THSD7B: variants seen among roughly 807,000 people sequenced by gnomAD.
The protein encoded by THSD7B is thrombospondin type 1 domain containing 7B.
THSD7B carries 138 observed loss-of-function variants against 213.6 expected under a neutral mutation model. That is an observed-to-expected ratio of 0.65 (90% CI 0.56 to 0.74). THSD7B has a LOEUF of 0.74. THSD7B is among the 30% of genes least tolerant of loss of function. The probability of loss-of-function intolerance (pLI) is 0.00; values close to 1 mark genes in which losing one functional copy is unlikely to be tolerated. For missense variants in THSD7B, 1,931 were observed against 1,991.5 expected, an observed-to-expected ratio of 0.97 and a Z score of 0.58; for synonymous variants, 742 against 687.0, an observed-to-expected ratio of 1.08 and a Z score of -1.25.
intron 10 of THSD7B, among the ~76,000 whole-genome samples, chr2:137,252,160 G>A (rs1191518649): frequency 1.3e-5 from 2 of 150,000 alleles, no homozygotes; most frequent in African/African-American, 4.9e-5. Context: ...CCAGCTACTC[G>A]TGAGGCTGAG....
chr2:136,883,972 T>G (rs891449301), intron 2 of THSD7B, among the ~76,000 whole-genome samples: 1 of 152,226 alleles, frequency 6.6e-6, no homozygotes, highest in Non-Finnish European at 1.5e-5. Flanking sequence ...AGATTACTTA[T>G]GTATGACTGA....
At chr2:137,309,058 G>A (rs368480056) in intron 12 of THSD7B, among the ~76,000 whole-genome samples, 10 of 152,028 alleles carry the variant, frequency 6.6e-5, no homozygotes, top group South Asian at 2.1e-4. Context: ...AAAGTTTTTC[G>A]TAAATATTTC....
At position 137,221,298 on chromosome 2, in the gene THSD7B, A is replaced by C. The variant is rs1278261530; in HGVS notation, c.1724-9746A>C. The stretch of plus-strand genomic sequence containing the variant: ...CAAGGCTCCGTCTCAAAAAAAACAA[A>C]AACAAAAACAAAAACAAAAAGTTAG... On this transcript the variant is annotated intron_variant, in intron 7 of 27. Coordinates refer to ENST00000409968, the MANE Select transcript of THSD7B (RefSeq NM_001316349.2). Among the ~76,000 whole-genome samples the C allele has an allele frequency of 4.6e-5, 7 of 152,094 alleles. No homozygotes were observed. In the South Asian group the frequency reaches 6.2e-4, roughly 14 times the overall value.
chr2:136,889,648 C>A (rs1322752969), intron 2 of THSD7B, among the ~76,000 whole-genome samples: 1 of 152,160 alleles, frequency 6.6e-6, no homozygotes, highest in Admixed American at 6.5e-5. Flanking sequence ...TTTGAACCTA[C>A]TGCTGCTTTT....
intron 10 of THSD7B, among the ~76,000 whole-genome samples, chr2:137,258,851 A>G (rs752241061): frequency 2.7e-5 from 4 of 150,480 alleles, no homozygotes; most frequent in Non-Finnish European, 5.9e-5. Flanking sequence ...CCAACCCCTG[A>G]CAGGCCCTGA....
chr2:137,352,028 C>T (rs1391892905), intron 12 of THSD7B, among the ~76,000 whole-genome samples: 1 of 151,788 alleles, frequency 6.6e-6, no homozygotes, highest in African/African-American at 2.4e-5. Flanking sequence ...GATAATTCTT[C>T]TTCTTTCAGT....
At chr2:137,405,526 A>G (rs1686495009) in intron 12 of THSD7B, 87 bp from the exon 13 acceptor site, 1 of 1,301,696 alleles carries the variant, frequency 7.7e-7, no homozygotes, top group Non-Finnish European at 1.0e-6. Flanking sequence ...GTTTTTAAAC[A>G]TTGGGGGATT....
chr2:137,437,741 C>T (rs958045293), intron 14 of THSD7B, among the ~76,000 whole-genome samples: 2 of 152,130 alleles, frequency 1.3e-5, no homozygotes, highest in African/African-American at 2.4e-5. Context: ...TCATCCCCAT[C>T]GATGCCAGCC....
chr2:137,592,800 A>C (rs1681890300), intron 17 of THSD7B, among the ~76,000 whole-genome samples: 1 of 151,966 alleles, frequency 6.6e-6, no homozygotes, highest in Non-Finnish European at 1.5e-5. Flanking sequence ...TAACCACTAA[A>C]CACAAAAATA....
intron 7 of THSD7B, among the ~76,000 whole-genome samples, chr2:137,191,093 C>G (rs1308547488): frequency 6.6e-6 from 1 of 152,232 alleles, no homozygotes; most frequent in Non-Finnish European, 1.5e-5. Flanking sequence ...CATGAAGGGC[C>G]TCTGGCAGAG....
chr2:137,064,369 A>G (rs183156486), intron 3 of THSD7B, among the ~76,000 whole-genome samples: 17 of 151,868 alleles, frequency 1.1e-4, no homozygotes, highest in Admixed American at 1.1e-3. Flanking sequence ...ATTTTTTCCT[A>G]TTGAGTTGTT....
chr2:137,304,858 A>G (rs551276982), intron 12 of THSD7B, among the ~76,000 whole-genome samples: 4 of 152,218 alleles, frequency 2.6e-5, no homozygotes, highest in African/African-American at 4.8e-5. Flanking sequence ...TGTAATATTC[A>G]TAATATTTCT....
intron 15 of THSD7B, among the ~76,000 whole-genome samples, chr2:137,486,276 G>T (rs1180385050): frequency 2.6e-5 from 4 of 151,034 alleles, no homozygotes; most frequent in Non-Finnish European, 5.9e-5. Context: ...ACACACATAG[G>T]CTCAAAATAA....
intron 3 of THSD7B, among the ~76,000 whole-genome samples, chr2:137,074,224 C>G (rs1687566627): frequency 6.6e-6 from 1 of 152,032 alleles, no homozygotes; most frequent in Non-Finnish European, 1.5e-5. Context: ...GAGTCTAAGT[C>G]TCTTTGTAGG....
intron 15 of THSD7B, among the ~76,000 whole-genome samples, chr2:137,546,375 TA>T (rs1680713457): frequency 2.2e-5 from 1 of 44,850 alleles, no homozygotes; most frequent in Non-Finnish European, 3.8e-5. Context: ...TATATATATA[TA>T]ATATATATAT....
At chr2:137,372,466 A>G (rs529643008) in intron 12 of THSD7B, among the ~76,000 whole-genome samples, 225 of 150,038 alleles carry the variant, frequency 1.5e-3, no homozygotes, top group African/African-American at 5.4e-3. Flanking sequence ...TTGGTTTTAT[A>G]CATTTTAGGG....
At chr2:137,420,521 G>A (rs891282509) in intron 14 of THSD7B, among the ~76,000 whole-genome samples, 7 of 151,974 alleles carry the variant, frequency 4.6e-5, no homozygotes, top group Middle Eastern at 3.2e-3. Flanking sequence ...ATACATTCTC[G>A]GTCCTATACT....
chr2:137,413,502 G>T (rs933097530), intron 14 of THSD7B, among the ~76,000 whole-genome samples: 10 of 152,174 alleles, frequency 6.6e-5, no homozygotes, highest in Non-Finnish European at 1.5e-4. Flanking sequence ...ATAGACTTTA[G>T]GGAAGCCTTC....
intron 12 of THSD7B, among the ~76,000 whole-genome samples, chr2:137,376,959 G>T (rs991486521): frequency 2.0e-5 from 3 of 152,072 alleles, no homozygotes; most frequent in Non-Finnish European, 2.9e-5. Flanking sequence ...AAGAAGGAAG[G>T]AAAAAGAACA....
Sources: gnomAD v4.1 joint callset for allele counts (sites outside exome capture counted in the v4.1 genomes callset) on GRCh38, gnomAD v4.1.1 for gene constraint, MANE v1.5 for transcripts, NCBI Gene and HGNC (gene_info 2026-07-23, HGNC 2026-07-21) for gene names.